USP34: variants seen among roughly 807,000 people sequenced by gnomAD.
The protein encoded by USP34 is ubiquitin specific peptidase 34, also known as ubiquitin carboxyl-terminal hydrolase 34.
A neutral mutation model predicts 460.3 loss-of-function variants in USP34; 70 were observed. The observed-to-expected ratio is 0.15, with a 90% confidence interval of 0.13 to 0.19. The LOEUF is 0.19. USP34 is among the 10% of genes least tolerant of loss of function. The pLI, the probability that USP34 is intolerant of heterozygous loss-of-function variation, is 1.00. For synonymous variants in USP34, 1,647 were observed against 1,405.3 expected (o/e 1.17, Z -3.85); for missense variants, 3,985 against 4,236.2 (o/e 0.94, Z 1.65).
chr2:61,410,529 AC>A (rs1443256348), intron 2 of USP34, among the ~76,000 whole-genome samples: 2 of 152,178 alleles, frequency 1.3e-5, no homozygotes, highest in African/African-American at 2.4e-5. Context: ...GGGGCTGGGG[AC>A]CCTTGCTGTA....
At chr2:61,306,783 T>G (rs561690780) in intron 27 of USP34, among the ~76,000 whole-genome samples, 28 of 152,232 alleles carry the variant, frequency 1.8e-4, no homozygotes, top group Admixed American at 6.5e-4. Flanking sequence ...TCACACCAGT[T>G]AGAATGGCGA....
intron 75 of USP34, among the ~76,000 whole-genome samples, chr2:61,200,953 A>T (rs910651302): frequency 6.6e-6 from 1 of 152,066 alleles, no homozygotes; most frequent in Admixed American, 6.5e-5. Context: ...AAGACCTAAG[A>T]ACTTTGTATC....
At chr2:61,196,519 C>T (rs1686814655) in intron 75 of USP34, among the ~76,000 whole-genome samples, 1 of 151,986 alleles carries the variant, frequency 6.6e-6, no homozygotes, top group African/African-American at 2.4e-5. Context: ...GCCATGGCAC[C>T]CAGCCCTAAA....
intron 43 of USP34, among the ~76,000 whole-genome samples, chr2:61,263,384 T>C (rs1483442717): frequency 6.6e-6 from 1 of 151,896 alleles, no homozygotes; most frequent in Non-Finnish European, 1.5e-5. Context: ...CTTCACTATG[T>C]TGGCCAGGCT....
chr2:61,326,694 AC>A (rs1232071862), intron 20 of USP34, among the ~76,000 whole-genome samples: 2 of 152,120 alleles, frequency 1.3e-5, no homozygotes, highest in Non-Finnish European at 2.9e-5. Context: ...CTGTGGATCA[AC>A]TGCCCAAACT....
In USP34 at chr2:61,278,463, A is replaced by G. The variant is rs1164346623; in HGVS notation, c.5257-20T>C. The G allele has an allele frequency of 6.7e-7, 1 of 1,482,414 alleles. No homozygotes were observed. Among genetic ancestry groups the G allele is most frequent in the African/African-American group, 1.4e-5 (1 of 69,830 alleles). 91.8% of individuals were successfully genotyped at this position (1,482,414 alleles called of 1,614,324 possible). On this transcript the variant is annotated intron_variant, in intron 39 of 79. Transcript: ENST00000398571. ...CGTTGTCTTAATACAAAAAGAAAAT[A>G]AAAATTCAAATATAAATTTTTTATG...
intron 1 of USP34, among the ~76,000 whole-genome samples, chr2:61,461,916 A>G (rs1395273389): frequency 6.6e-6 from 1 of 152,212 alleles, no homozygotes; most frequent in African/African-American, 2.4e-5. Context: ...CAGATATATT[A>G]AATTTTATAT....
intron 27 of USP34, among the ~76,000 whole-genome samples, chr2:61,304,908 C>T (rs1430229070): frequency 6.6e-6 from 1 of 151,970 alleles, no homozygotes; most frequent in Non-Finnish European, 1.5e-5. Flanking sequence ...GAATTTCTAC[C>T]TTTTAAAAAA....
chr2:61,459,527 C>T (rs1221326434), intron 1 of USP34, among the ~76,000 whole-genome samples: 1 of 152,136 alleles, frequency 6.6e-6, no homozygotes, highest in African/African-American at 2.4e-5. Flanking sequence ...ATAATCCTAG[C>T]AGTTTGGGAG....
chr2:61,248,800 T>C, intron 48 of USP34, 117 bp from the exon 49 acceptor site: 1 of 961,144 alleles, frequency 1.0e-6, no homozygotes, highest in Non-Finnish European at 1.5e-6. Context: ...AGTATAGTAG[T>C]TCCCCTTATC....
chr2:61,291,443 C>T (rs2103977394), intron 33 of USP34, among the ~76,000 whole-genome samples: 1 of 152,272 alleles, frequency 6.6e-6, no homozygotes, highest in Non-Finnish European at 1.5e-5. Context: ...ATACCCAAGG[C>T]ACAACTGTTT....
chr2:61,204,636 TTAAGAGTTA>T (rs775053353), intron 72 of USP34, 35 bp from the exon 73 acceptor site: 1 of 1,539,282 alleles, frequency 6.5e-7, no homozygotes, highest in Non-Finnish European at 9.0e-7. Flanking sequence ...TAGCAAAAAA[TTAAGAGTTA>T]TATCTGCCTA....
intron 15 of USP34, among the ~76,000 whole-genome samples, chr2:61,344,506 C>T (rs1328318620): frequency 6.6e-6 from 1 of 151,988 alleles, no homozygotes; most frequent in African/African-American, 2.4e-5. Flanking sequence ...TGTTACCGGA[C>T]ATAAAGACAA....
chr2:61,209,267 T>C (rs368951269), intron 69 of USP34, among the ~76,000 whole-genome samples: 9 of 152,368 alleles, frequency 5.9e-5, no homozygotes, highest in South Asian at 2.1e-4. Context: ...ATTTTTATAA[T>C]AGGCTCATCT....
intron 1 of USP34, among the ~76,000 whole-genome samples, chr2:61,444,158 G>T (rs889396065): frequency 6.6e-6 from 1 of 152,118 alleles, no homozygotes; most frequent in Admixed American, 6.6e-5. Flanking sequence ...AGGAGGCTGA[G>T]GTGGGAGGAT....
intron 1 of USP34, among the ~76,000 whole-genome samples, chr2:61,455,455 G>A (rs1695409755): frequency 1.3e-5 from 2 of 152,258 alleles, no homozygotes; most frequent in South Asian, 4.1e-4. Context: ...TAGGATTACA[G>A]GGTTTTTTTG....
chr2:61,387,547 AAT>A lies in USP34; in HGVS notation c.754-4213_754-4212del, dbSNP rs200529428. ...TATTTATATATACACACATATATAA[AAT>A]ATATATATTTATATATACACACATA... On this transcript the variant is annotated intron_variant, in intron 5 of 79. Coordinates refer to ENST00000398571, the MANE Select transcript of USP34 (RefSeq NM_014709.4). Among the ~76,000 whole-genome samples, 306 of 147,360 alleles carry A rather than the reference AAT, an allele frequency of 2.1e-3. 4 individuals carry two copies. The East Asian group carries it at 0.044, about 21-fold the overall frequency.
chr2:61,197,285 TAAAG>T (rs1303026160), intron 75 of USP34, among the ~76,000 whole-genome samples: 1 of 151,860 alleles, frequency 6.6e-6, no homozygotes, highest in Non-Finnish European at 1.5e-5. Context: ...CAACAACAAT[TAAAG>T]AAGGAAATGA....
At chr2:61,274,595 A>C (rs1689317460) in intron 41 of USP34, among the ~76,000 whole-genome samples, 1 of 152,236 alleles carries the variant, frequency 6.6e-6, no homozygotes, top group Admixed American at 6.5e-5. Context: ...AATGGCTTTC[A>C]AACACTTGAA....
Sources: gnomAD v4.1 joint callset for allele counts (sites outside exome capture counted in the v4.1 genomes callset) on GRCh38, gnomAD v4.1.1 for gene constraint, MANE v1.5 for transcripts, NCBI Gene and HGNC (gene_info 2026-07-23, HGNC 2026-07-21) for gene names.